CES5A: variants seen among roughly 807,000 people sequenced by gnomAD.
CES5A encodes the protein carboxylesterase 5.
In CES5A, 67 loss-of-function variants were observed where a neutral mutation model predicts 62.9. That is an observed-to-expected ratio of 1.07 (90% confidence interval 0.88 to 1.31). The LOEUF is 1.31. CES5A is among the 50% of genes most tolerant of loss of function. CES5A has a pLI of 0.00. For missense variants in CES5A, 748 were observed against 708.5 expected, an observed-to-expected ratio of 1.06 and a Z score of -0.63; for synonymous variants, 296 against 280.8, an observed-to-expected ratio of 1.05 and a Z score of -0.54.
chr16:55,912,171 C>T (rs191967565), intron 1 of CES5A, among the ~76,000 whole-genome samples: 2 of 152,306 alleles, frequency 1.3e-5, no homozygotes, highest in African/African-American at 4.8e-5. Context: ...ATTGGGCCAC[C>T]AGGGTCCCCA....
intron 2 of CES5A, among the ~76,000 whole-genome samples, chr16:55,932,147 G>A (rs2034320021): frequency 1.3e-5 from 2 of 152,174 alleles, no homozygotes; most frequent in Admixed American, 1.3e-4. Flanking sequence ...AGTGCCATGT[G>A]TCACTTCTCT....
intron 1 of CES5A, among the ~76,000 whole-genome samples, chr16:55,911,750 C>T (rs2034094939): frequency 1.3e-5 from 2 of 152,170 alleles, no homozygotes; most frequent in South Asian, 4.1e-4. Flanking sequence ...AGGGAAGAGA[C>T]TGACCCAACT....
At chr16:55,912,872 A>G (rs962135291) in intron 1 of CES5A, among the ~76,000 whole-genome samples, 1 of 152,116 alleles carries the variant, frequency 6.6e-6, no homozygotes. Flanking sequence ...TTCAGTGTGC[A>G]AGAACTGAGC....
intron 7 of CES5A, among the ~76,000 whole-genome samples, chr16:55,860,612 A>T (rs1237273404): frequency 6.6e-6 from 1 of 152,218 alleles, no homozygotes; most frequent in Non-Finnish European, 1.5e-5. Flanking sequence ...TCCCTGAGAC[A>T]CAGTGCCTTG....
upstream of CES5A, among the ~76,000 whole-genome samples, chr16:55,877,110 C>A (rs2253986): frequency 0.22 from 33,905 of 152,084 alleles, 4,462 homozygotes; most frequent in Non-Finnish European, 0.3. Flanking sequence ...ACCACAACAA[C>A]GCAAGGACTT....
At chr16:55,928,814 C>A (rs1406548668), upstream of CES5A, among the ~76,000 whole-genome samples, 1 of 152,112 alleles carries the variant, frequency 6.6e-6, no homozygotes, top group East Asian at 1.9e-4. Context: ...CTCTTCAATG[C>A]CTTTCCCCCA....
At chr16:55,924,816 G>A (rs536397265) in intron 1 of CES5A, among the ~76,000 whole-genome samples, 1 of 152,054 alleles carries the variant, frequency 6.6e-6, no homozygotes, top group East Asian at 1.9e-4. Flanking sequence ...ATATCTACAT[G>A]CAGAAGAATG....
At chr16:55,933,491 T>C (rs769310222) in intron 2 of CES5A, among the ~76,000 whole-genome samples, 15 of 151,786 alleles carry the variant, frequency 9.9e-5, no homozygotes, top group Non-Finnish European at 1.8e-4. Context: ...AACTAAACTA[T>C]TGCCCTTCCC....
intron 4 of CES5A, among the ~76,000 whole-genome samples, chr16:55,867,945 G>A (rs2033497987): frequency 6.6e-6 from 1 of 152,144 alleles, no homozygotes; most frequent in South Asian, 2.1e-4. Context: ...CTCCCAGTGG[G>A]GCTCCCTATC....
At chr16:55,848,929 A>G (rs1322579414) in intron 11 of CES5A, among the ~76,000 whole-genome samples, 2 of 152,212 alleles carry the variant, frequency 1.3e-5, no homozygotes, top group African/African-American at 4.8e-5. Context: ...AAAAACTGAA[A>G]TAATGAATAA....
intron 2 of CES5A, among the ~76,000 whole-genome samples, chr16:55,937,940 G>A (rs2034394350): frequency 1.3e-5 from 2 of 152,058 alleles, no homozygotes; most frequent in African/African-American, 2.4e-5. Flanking sequence ...CCCTAGTTTG[G>A]GATCCTGAGA....
chr16:55,934,449 C>G (rs1371801093), intron 2 of CES5A, among the ~76,000 whole-genome samples: 1 of 152,152 alleles, frequency 6.6e-6, no homozygotes, highest in East Asian at 1.9e-4. Flanking sequence ...AATATCAGTA[C>G]AATATTGATC....
chr16:55,896,753 G>A (rs879183332), intron 1 of CES5A, among the ~76,000 whole-genome samples: 2 of 152,150 alleles, frequency 1.3e-5, no homozygotes, highest in Non-Finnish European at 2.9e-5. Context: ...AGACTAAAGG[G>A]TACATCCATT....
intron 11 of CES5A, among the ~76,000 whole-genome samples, chr16:55,848,936 A>G (rs1473715732): frequency 6.6e-6 from 1 of 152,224 alleles, no homozygotes; most frequent in East Asian, 1.9e-4. Context: ...GAAATAATGA[A>G]TAACCCACAG....
At chr16:55,902,101 C>T (rs1424971101) in intron 1 of CES5A, among the ~76,000 whole-genome samples, 16 of 152,080 alleles carry the variant, frequency 1.1e-4, no homozygotes, top group African/African-American at 3.6e-4. Flanking sequence ...ATCCTTCTGC[C>T]GAAAGCCACC....
rs118005791 is a variant in CES5A at position 55,952,487 on chromosome 16, C to A, written c.43-2585G>T. On this transcript the variant is annotated intron_variant, in intron 1 of 13. Transcript: ENST00000521992. ...AGATCAATAAAACTAAAAGCTGTTT[C>A]TTTGAAACTATCAATAAATTAGAAC... Among the ~76,000 whole-genome samples, 1,314 of 152,144 alleles carry A rather than the reference C, an allele frequency of 8.6e-3. 11 individuals carry two copies. Among genetic ancestry groups the A allele is most frequent in the Non-Finnish European group, 0.013 (867 of 67,934 alleles).
chr16:55,903,302 A>T (rs2034009006), intron 1 of CES5A, among the ~76,000 whole-genome samples: 1 of 152,230 alleles, frequency 6.6e-6, no homozygotes, highest in Admixed American at 6.5e-5. Flanking sequence ...TCATAAAAGG[A>T]CATGCCTAGC....
chr16:55,895,702 C>G (rs116299219), intron 1 of CES5A, among the ~76,000 whole-genome samples: 1,976 of 152,250 alleles, frequency 0.013, 49 homozygotes, highest in African/African-American at 0.045. Flanking sequence ...AGATATTTAG[C>G]ACTATTTGGA....
intron 5 of CES5A, among the ~76,000 whole-genome samples, chr16:55,865,313 CTATT>C (rs1408984782): frequency 6.6e-6 from 1 of 152,154 alleles, no homozygotes; most frequent in Non-Finnish European, 1.5e-5. Context: ...AAACATCTCT[CTATT>C]TATATTGCTG....
Sources: gnomAD v4.1 joint callset for allele counts (sites outside exome capture counted in the v4.1 genomes callset) on GRCh38, gnomAD v4.1.1 for gene constraint, MANE v1.5 for transcripts, NCBI Gene and HGNC (gene_info 2026-07-23, HGNC 2026-07-21) for gene names.